Variants in TENM1 observed in about 807,000 individuals in gnomAD.
TENM1 encodes the protein teneurin-1.
In TENM1, 35 loss-of-function variants were observed where a neutral mutation model predicts 174.8. The ratio of observed to expected loss-of-function variants is 0.20; its 90% confidence interval spans 0.15 to 0.27. TENM1 has a LOEUF of 0.27. TENM1 is among the 10% of genes least tolerant of loss of function. The pLI is 1.00. For synonymous variants in TENM1, 781 were observed against 798.7 expected (o/e 0.98, Z 0.37); for missense variants, 1,633 against 2,130.1 (o/e 0.77, Z 4.59).
At chrX:124,523,978 G>C (rs763191862) in intron 16 of TENM1, among the ~76,000 whole-genome samples, 2 of 107,005 alleles carry the variant, frequency 1.9e-5, no homozygotes, top group African/African-American at 6.9e-5. Flanking sequence ...GGGTTCAAGC[G>C]ATTCTCCTGT....
intron 3 of TENM1, among the ~76,000 whole-genome samples, chrX:124,803,718 A>C (rs1373024545): frequency 8.9e-6 from 1 of 112,403 alleles, no homozygotes; most frequent in East Asian, 2.8e-4. Context: ...ATTGCACTTA[A>C]CCCAGTTCCT....
At chrX:124,538,408 C>A (rs753454696) in intron 15 of TENM1, among the ~76,000 whole-genome samples, 4 of 111,476 alleles carry the variant, frequency 3.6e-5, no homozygotes, top group Admixed American at 2.9e-4. Flanking sequence ...CACTGGAATT[C>A]TTTTTCCAAA....
the TENM1 span, among the ~76,000 whole-genome samples, chrX:125,053,516 C>T: frequency 8.9e-6 from 1 of 111,946 alleles, no homozygotes; most frequent in African/African-American, 3.2e-5. Flanking sequence ...CAGGCTTCCC[C>T]TACTAGTGGA....
At chrX:124,789,671 C>T (rs978634074) in intron 3 of TENM1, among the ~76,000 whole-genome samples, 1 of 111,219 alleles carries the variant, frequency 9.0e-6, no homozygotes, top group Non-Finnish European at 1.9e-5. Context: ...CAGTTCCCAC[C>T]AAATTCCTCA....
At chrX:124,483,360 G>A (rs1015157060) in intron 21 of TENM1, among the ~76,000 whole-genome samples, 4 of 111,479 alleles carry the variant, frequency 3.6e-5, no homozygotes, top group Non-Finnish European at 7.5e-5. Context: ...TGCCCTGCCA[G>A]TTGCAATAAA....
the TENM1 span, among the ~76,000 whole-genome samples, chrX:125,108,634 T>C: frequency 2.8e-5 from 3 of 108,625 alleles, no homozygotes; most frequent in African/African-American, 1.0e-4. Context: ...GAGGCAGAGG[T>C]TGCAGTGAGC....
intron 15 of TENM1, among the ~76,000 whole-genome samples, chrX:124,534,511 C>A (rs1481742807): frequency 8.9e-6 from 1 of 111,988 alleles, no homozygotes; most frequent in Non-Finnish European, 1.9e-5. Flanking sequence ...AAAGAAGATG[C>A]AATTTACTAC....
the TENM1 span, among the ~76,000 whole-genome samples, chrX:125,078,083 C>T: frequency 9.0e-6 from 1 of 111,511 alleles, no homozygotes; most frequent in Non-Finnish European, 1.9e-5. Flanking sequence ...CTTGGGTTGG[C>T]AGTGACTAGA....
the TENM1 span, among the ~76,000 whole-genome samples, chrX:125,191,315 C>G: frequency 8.9e-6 from 1 of 111,761 alleles, no homozygotes; most frequent in African/African-American, 3.2e-5. Flanking sequence ...TACTATGTAT[C>G]AGGCACTGTG....
chrX:124,769,463 T>A (rs1445265147), intron 3 of TENM1, among the ~76,000 whole-genome samples: 3 of 112,009 alleles, frequency 2.7e-5, no homozygotes, highest in Non-Finnish European at 3.8e-5. Flanking sequence ...CCTGTCAGTA[T>A]ACAAGCTTCG....
chrX:125,024,453 A>T, the TENM1 span, among the ~76,000 whole-genome samples: 1 of 111,044 alleles, frequency 9.0e-6, no homozygotes, highest in Non-Finnish European at 1.9e-5. Flanking sequence ...TTGCAGCAAC[A>T]TGGACGGAAC....
the TENM1 span, among the ~76,000 whole-genome samples, chrX:124,975,725 A>T: frequency 0.034 from 3,791 of 111,766 alleles, 115 homozygotes; most frequent in African/African-American, 0.1. Context: ...AACATATTCA[A>T]CAAAGATACA....
At chrX:124,385,627 TAAGAA>T in intron 29 of TENM1, 45 bp downstream of exon 32, 1 of 1,127,078 alleles carries the variant, frequency 8.9e-7, no homozygotes. Flanking sequence ...AAAAATGTCA[TAAGAA>T]AATAGTGATG....
intron 3 of TENM1, among the ~76,000 whole-genome samples, chrX:124,782,562 T>A (rs2054938783): frequency 9.1e-6 from 1 of 110,334 alleles, no homozygotes; most frequent in South Asian, 4.0e-4. Context: ...TTGGAATACA[T>A]CCCCTTCCTT....
intron 11 of TENM1, among the ~76,000 whole-genome samples, chrX:124,637,046 C>T (rs781051529): frequency 2.5e-4 from 28 of 111,066 alleles, no homozygotes; most frequent in Non-Finnish European, 4.2e-4. Flanking sequence ...CTTATACCCA[C>T]ATAGTCACCA....
chrX:124,699,770 A>G (rs1416666065), intron 5 of TENM1, among the ~76,000 whole-genome samples: 1 of 111,819 alleles, frequency 8.9e-6, no homozygotes, highest in African/African-American at 3.2e-5. Flanking sequence ...CCAAAAGGTG[A>G]TGTAAGAAGA....
chrX:124,421,121 TG>T (rs1350717836), intron 24 of TENM1, among the ~76,000 whole-genome samples: 1 of 111,921 alleles, frequency 8.9e-6, no homozygotes, highest in East Asian at 2.8e-4. Context: ...CTGCAAATAA[TG>T]ATAGCCACAC....
At chrX:124,465,736 C>T (rs1039885815) in intron 22 of TENM1, among the ~76,000 whole-genome samples, 4 of 109,939 alleles carry the variant, frequency 3.6e-5, no homozygotes, top group African/African-American at 1.3e-4. Flanking sequence ...TCTCCAAACC[C>T]CAACCAGCTC....
chrX:124,540,482 G>T (rs1171683860), intron 15 of TENM1, among the ~76,000 whole-genome samples: 1 of 111,873 alleles, frequency 8.9e-6, no homozygotes, highest in African/African-American at 3.3e-5. Flanking sequence ...TTCAAGATCA[G>T]CAGCTTCTGC....
Sources: gnomAD v4.1 joint callset for allele counts (sites outside exome capture counted in the v4.1 genomes callset) on GRCh38, gnomAD v4.1.1 for gene constraint, MANE v1.5 for transcripts, NCBI Gene and HGNC (gene_info 2026-07-23, HGNC 2026-07-21) for gene names.